CSMD1: variants seen among roughly 807,000 people sequenced by gnomAD.
CSMD1 encodes CUB and Sushi multiple domains 1.
Under a neutral mutation model 417.5 loss-of-function variants are expected in CSMD1, and 213 were observed. The observed-to-expected ratio is 0.51, with a 90% CI of 0.46 to 0.57. The LOEUF (loss-of-function observed/expected upper bound fraction) is 0.57, where lower values mean the gene tolerates loss of function less well. CSMD1 is among the 20% of genes least tolerant of loss of function. The pLI is 0.00. For synonymous variants in CSMD1, 2,862 were observed against 1,736.8 expected (o/e 1.65, Z -16.11); for missense variants, 6,923 against 4,529.7 (o/e 1.53, Z -15.17).
intron 2 of CSMD1, among the ~76,000 whole-genome samples, chr8:4,567,677 T>C (rs1374128194): frequency 1.3e-5 from 2 of 152,204 alleles, no homozygotes; most frequent in Non-Finnish European, 2.9e-5. Flanking sequence ...TCTGCCCAGA[T>C]GCTGATTTTC....
intron 49 of CSMD1, among the ~76,000 whole-genome samples, chr8:3,074,924 T>G (rs1022057125): frequency 6.6e-6 from 1 of 152,180 alleles, no homozygotes; most frequent in Admixed American, 6.5e-5. Context: ...TAATTCTCAG[T>G]GTTGGAGGTG....
intron 23 of CSMD1, among the ~76,000 whole-genome samples, chr8:3,311,114 C>CTT (rs1805310766): frequency 6.6e-6 from 1 of 152,116 alleles, no homozygotes; most frequent in African/African-American, 2.4e-5. Flanking sequence ...TTCCAAATGT[C>CTT]TTAAATTCAC....
At chr8:4,837,170 G>A (rs1008550597) in intron 1 of CSMD1, among the ~76,000 whole-genome samples, 2 of 152,084 alleles carry the variant, frequency 1.3e-5, no homozygotes, top group African/African-American at 4.8e-5. Flanking sequence ...TAACACATGC[G>A]GGTGAGGATG....
At chr8:3,291,899 G>T in intron 25 of CSMD1, among the ~76,000 whole-genome samples, 1 of 151,906 alleles carries the variant, frequency 6.6e-6, no homozygotes, top group Non-Finnish European at 1.5e-5. Context: ...TGCTTTTCTA[G>T]TTCTTTTAAT....
intron 10 of CSMD1, among the ~76,000 whole-genome samples, chr8:3,520,039 T>TATATATATATATATATATATATACAC (rs545212684): frequency 1.4e-5 from 2 of 147,110 alleles, no homozygotes; most frequent in African/African-American, 5.2e-5. Context: ...TATATATATA[T>TATATATATATATATATATATATACAC]ACACGTATAG....
intron 21 of CSMD1, among the ~76,000 whole-genome samples, chr8:3,357,090 G>A (rs1304187450): frequency 1.3e-5 from 2 of 152,122 alleles, no homozygotes; most frequent in South Asian, 4.1e-4. Flanking sequence ...GAGCTCTGCA[G>A]CGGCCAGAAT....
chr8:4,033,390 C>A (rs935205407), intron 3 of CSMD1, among the ~76,000 whole-genome samples: 1 of 152,056 alleles, frequency 6.6e-6, no homozygotes, highest in South Asian at 2.1e-4. Context: ...TGCGGTGAGC[C>A]GAGATCGCAC....
intron 2 of CSMD1, among the ~76,000 whole-genome samples, chr8:4,444,843 G>C (rs1452605670): frequency 6.6e-6 from 1 of 152,148 alleles, no homozygotes; most frequent in Non-Finnish European, 1.5e-5. Flanking sequence ...AGGTGCAAAT[G>C]ACAACCCAGA....
At chr8:4,209,900 T>C (rs1284675072) in intron 3 of CSMD1, among the ~76,000 whole-genome samples, 3 of 152,112 alleles carry the variant, frequency 2.0e-5, no homozygotes, top group Admixed American at 6.5e-5. Context: ...TGTTGACAGG[T>C]GGTCTCCATG....
chr8:3,443,963 T>G (rs576878526), intron 12 of CSMD1, among the ~76,000 whole-genome samples: 1 of 152,270 alleles, frequency 6.6e-6, no homozygotes, highest in South Asian at 2.1e-4. Flanking sequence ...GCGGGGACAC[T>G]GGGTGAGGAA....
chr8:2,972,675 G>A (rs1050452227), intron 57 of CSMD1, among the ~76,000 whole-genome samples: 5 of 152,312 alleles, frequency 3.3e-5, no homozygotes, highest in Admixed American at 3.3e-4. Flanking sequence ...AGATTCCTGT[G>A]AAATAGAGTG....
chr8:3,654,412 G>C (rs921669883), intron 7 of CSMD1, among the ~76,000 whole-genome samples: 1 of 152,146 alleles, frequency 6.6e-6, no homozygotes, highest in African/African-American at 2.4e-5. Flanking sequence ...GTACCCTTTG[G>C]TGTAGTCCAC....
intron 1 of CSMD1, among the ~76,000 whole-genome samples, chr8:4,972,343 G>A (rs563818213): frequency 6.6e-6 from 1 of 152,242 alleles, no homozygotes; most frequent in Admixed American, 6.5e-5. Context: ...TGTCAAGGGG[G>A]AGACCGGGTG....
At chr8:4,806,780 T>C (rs554827844) in intron 1 of CSMD1, among the ~76,000 whole-genome samples, 39 of 152,232 alleles carry the variant, frequency 2.6e-4, no homozygotes, top group African/African-American at 8.9e-4. Context: ...AAAAATCTAG[T>C]CCTGTGACAA....
At chr8:4,710,770 G>A (rs563926624) in intron 1 of CSMD1, among the ~76,000 whole-genome samples, 329 of 151,714 alleles carry the variant, frequency 2.2e-3, no homozygotes, top group African/African-American at 7.6e-3. Flanking sequence ...GCTTGAACCC[G>A]GGAGGTGGAG....
intron 1 of CSMD1, among the ~76,000 whole-genome samples, chr8:4,843,052 T>C (rs1188485114): frequency 1.3e-5 from 2 of 152,196 alleles, no homozygotes; most frequent in Non-Finnish European, 2.9e-5. Context: ...AAATAAGAGA[T>C]GCTAATTTAC....
At chr8:4,258,595 G>A (rs950901926) in intron 3 of CSMD1, among the ~76,000 whole-genome samples, 4 of 145,838 alleles carry the variant, frequency 2.7e-5, no homozygotes, top group East Asian at 2.3e-4. Context: ...GGGATGGAGG[G>A]AACCCTTGTT....
chr8:3,225,219 A>G (rs1376809688), intron 27 of CSMD1, among the ~76,000 whole-genome samples: 2 of 139,380 alleles, frequency 1.4e-5, no homozygotes, highest in Non-Finnish European at 3.2e-5. Context: ...ATAGGAAGAA[A>G]TAACAACTAA....
intron 5 of CSMD1, among the ~76,000 whole-genome samples, chr8:3,801,457 C>A (rs1800456614): frequency 6.6e-6 from 1 of 152,116 alleles, no homozygotes; most frequent in Admixed American, 6.6e-5. Flanking sequence ...AGGGCTATCA[C>A]TGGACAGATG....
Sources: gnomAD v4.1 joint callset for allele counts (sites outside exome capture counted in the v4.1 genomes callset) on GRCh38, gnomAD v4.1.1 for gene constraint, MANE v1.5 for transcripts, NCBI Gene and HGNC (gene_info 2026-07-23, HGNC 2026-07-21) for gene names.